CCDC171: variants seen among roughly 807,000 people sequenced by gnomAD.
The protein encoded by CCDC171 is coiled-coil domain-containing protein 171.
Under a neutral mutation model 168.2 loss-of-function variants are expected in CCDC171, and 177 were observed. The ratio of observed to expected loss-of-function variants is 1.05; its 90% CI spans 0.93 to 1.19. CCDC171 has a LOEUF of 1.19. Ranked by LOEUF, CCDC171 falls within the 50% of genes most tolerant of loss-of-function variation. The pLI is 0.00. For synonymous variants in CCDC171, 687 were observed against 540.8 expected, an observed-to-expected ratio of 1.27 and a Z score of -3.75; for missense variants, 1,991 against 1,539.0, an observed-to-expected ratio of 1.29 and a Z score of -4.91.
chr9:15,909,742 GTAACTTTT>G (rs1275595478), intron 24 of CCDC171, among the ~76,000 whole-genome samples: 2 of 152,130 alleles, frequency 1.3e-5, no homozygotes, highest in African/African-American at 4.8e-5. Flanking sequence ...CCATATCAGA[GTAACTTTT>G]TGATAATGAA....
At chr9:16,073,352 C>T in the CCDC171 span, among the ~76,000 whole-genome samples, 1 of 152,206 alleles carries the variant, frequency 6.6e-6, no homozygotes, top group Non-Finnish European at 1.5e-5. Flanking sequence ...TCCCTGCCTG[C>T]AGGAAGGCTA....
chr9:15,601,343 A>G (rs893229497), intron 6 of CCDC171, among the ~76,000 whole-genome samples: 1 of 152,160 alleles, frequency 6.6e-6, no homozygotes, highest in African/African-American at 2.4e-5. Context: ...AATTTGTTAT[A>G]TATGTCATTA....
chr9:15,751,884 G>A (rs572753448), intron 18 of CCDC171, among the ~76,000 whole-genome samples: 1 of 152,276 alleles, frequency 6.6e-6, no homozygotes, highest in East Asian at 1.9e-4. Context: ...AAAAGCAATG[G>A]CAACAAAAGC....
chr9:16,000,324 T>A (rs1057439673), intron 3 of CCDC171, among the ~76,000 whole-genome samples: 1 of 152,172 alleles, frequency 6.6e-6, no homozygotes, highest in South Asian at 2.1e-4. Flanking sequence ...GGATTGACTT[T>A]TTTTGCTTGC....
intron 23 of CCDC171, among the ~76,000 whole-genome samples, chr9:15,861,707 C>T (rs2061567344): frequency 6.8e-6 from 1 of 146,964 alleles, no homozygotes; most frequent in African/African-American, 2.5e-5. Context: ...CATTCATTCA[C>T]ATATTTTTTA....
intron 21 of CCDC171, among the ~76,000 whole-genome samples, chr9:15,835,181 C>A (rs1368528515): frequency 6.6e-6 from 1 of 152,058 alleles, no homozygotes; most frequent in African/African-American, 2.4e-5. Context: ...TATTTATTCC[C>A]TAGAGGGAAA....
At chr9:16,010,303 A>G (rs1235972245) in intron 3 of CCDC171, among the ~76,000 whole-genome samples, 1 of 152,204 alleles carries the variant, frequency 6.6e-6, no homozygotes, top group Non-Finnish European at 1.5e-5. Context: ...ATAATGTTCA[A>G]TAAAATAAAA....
chr9:15,554,601 T>G (rs1399205438), intron 1 of CCDC171, among the ~76,000 whole-genome samples: 1 of 152,184 alleles, frequency 6.6e-6, no homozygotes, highest in Non-Finnish European at 1.5e-5. Context: ...AAGTCTCATT[T>G]GATTCTAAAA....
chr9:15,563,954 T>G (rs1302758920), intron 1 of CCDC171, 24 bp from the exon 2 acceptor site: 11 of 664,754 alleles, frequency 1.7e-5, no homozygotes, highest in African/African-American at 9.3e-5. Context: ...CAAACTGCTA[T>G]TGTATCATTT....
chr9:15,602,233 A>G (rs1403586715), intron 6 of CCDC171, among the ~76,000 whole-genome samples: 4 of 148,866 alleles, frequency 2.7e-5, no homozygotes, highest in Non-Finnish European at 6.0e-5. Flanking sequence ...ATGTTAAAAA[A>G]AGTTTTTTAA....
intron 24 of CCDC171, among the ~76,000 whole-genome samples, chr9:15,904,580 A>G (rs1344944713): frequency 1.3e-5 from 2 of 152,216 alleles, no homozygotes; most frequent in Non-Finnish European, 2.9e-5. Flanking sequence ...GCCAAATTGT[A>G]AAGACCATCG....
intron 11 of CCDC171, among the ~76,000 whole-genome samples, chr9:15,711,638 G>C (rs951640094): frequency 6.6e-6 from 1 of 152,180 alleles, no homozygotes; most frequent in Non-Finnish European, 1.5e-5. Flanking sequence ...TAGTATTTTT[G>C]AATAAGGAAT....
intron 3 of CCDC171, among the ~76,000 whole-genome samples, chr9:15,982,365 C>T (rs1831825661): frequency 6.6e-6 from 1 of 152,112 alleles, no homozygotes; most frequent in Non-Finnish European, 1.5e-5. Context: ...AGATTCCTCT[C>T]AGGGAAGAGG....
At chr9:15,658,311 A>G (rs1341602462) in intron 8 of CCDC171, among the ~76,000 whole-genome samples, 1 of 152,220 alleles carries the variant, frequency 6.6e-6, no homozygotes, top group Non-Finnish European at 1.5e-5. Context: ...GGACAGACAG[A>G]TATGAAATCT....
intron 3 of CCDC171, among the ~76,000 whole-genome samples, chr9:16,002,163 A>G (rs1037897214): frequency 6.2e-5 from 4 of 64,024 alleles, no homozygotes; most frequent in Non-Finnish European, 1.4e-4. Flanking sequence ...TTTTGCTGTT[A>G]TTTTAGAATG....
chr9:15,620,141 A>T (rs1012904377), intron 6 of CCDC171, among the ~76,000 whole-genome samples: 1 of 152,250 alleles, frequency 6.6e-6, no homozygotes, highest in African/African-American at 2.4e-5. Context: ...CTAACACAAC[A>T]TCCATTCTGC....
chr9:16,006,050 TG>T (rs1174168274), intron 3 of CCDC171, among the ~76,000 whole-genome samples: 2 of 152,040 alleles, frequency 1.3e-5, no homozygotes, highest in Admixed American at 1.3e-4. Context: ...TTAGTAGAGA[TG>T]GGGTTTCACC....
rs543948843 is a variant in CCDC171 at position 15,611,768 on chromosome 9, C to T, written c.676-11499C>T. The stretch of plus-strand genomic sequence containing the variant: ...AGAGGCAACCCGAGAGTGTAAAGTA[C>T]TGGTTATAGAGGCTTCCAACAATGC... On this transcript the variant is annotated intron_variant, in intron 6 of 25. Coordinates refer to ENST00000380701, the MANE Select transcript of CCDC171 (RefSeq NM_173550.4). Among the ~76,000 whole-genome samples, 200 of 152,254 alleles carry T rather than the reference C, an allele frequency of 1.3e-3. 1 individual carries two copies. The highest frequency in any genetic ancestry group is 4.7e-3 in the African/African-American group (196 of 41,544).
intron 7 of CCDC171, among the ~76,000 whole-genome samples, chr9:15,650,237 C>T (rs538174511): frequency 1.1e-4 from 17 of 152,008 alleles, no homozygotes; most frequent in East Asian, 9.7e-4. Context: ...CATCACACAC[C>T]GGGGCCTGTC....
Sources: gnomAD v4.1 joint callset for allele counts (sites outside exome capture counted in the v4.1 genomes callset) on GRCh38, gnomAD v4.1.1 for gene constraint, MANE v1.5 for transcripts, NCBI Gene and HGNC (gene_info 2026-07-23, HGNC 2026-07-21) for gene names.